DNAH6: variants seen among roughly 807,000 people sequenced by gnomAD.
DNAH6 encodes the protein dynein axonemal heavy chain 6.
Under a neutral mutation model 491.4 loss-of-function variants are expected in DNAH6, and 340 were observed. That is an observed-to-expected ratio of 0.69 (90% CI 0.63 to 0.76). The LOEUF is 0.76. Ranked by LOEUF, DNAH6 falls within the 30% of genes least tolerant of loss-of-function variation. DNAH6 has a pLI of 0.00. For missense variants in DNAH6, 4,443 were observed against 4,972.2 expected (o/e 0.89, Z 3.20); for synonymous variants, 1,603 against 1,686.1 (o/e 0.95, Z 1.21).
chr2:84,688,668 A>G, intron 45 of DNAH6, 75 bp downstream of exon 45: 1 of 1,253,088 alleles, frequency 8.0e-7, no homozygotes, highest in Non-Finnish European at 1.1e-6. Context: ...AATAAGTTGT[A>G]TAAACTCTTC....
the DNAH6 span, among the ~76,000 whole-genome samples, chr2:84,494,838 T>C: frequency 6.6e-6 from 1 of 152,224 alleles, no homozygotes; most frequent in Non-Finnish European, 1.5e-5. Context: ...TAAAATTTAA[T>C]ATGAACTGAA....
chr2:84,492,470 T>G, the DNAH6 span, among the ~76,000 whole-genome samples: 1 of 152,224 alleles, frequency 6.6e-6, no homozygotes, highest in African/African-American at 2.4e-5. Context: ...TTCTATTATG[T>G]ATATTAGTTG....
At chr2:84,501,793 C>T in the DNAH6 span, among the ~76,000 whole-genome samples, 1 of 149,964 alleles carries the variant, frequency 6.7e-6, no homozygotes, top group Non-Finnish European at 1.5e-5. Context: ...CATTTTTCTA[C>T]ATTTTCCAAT....
At chr2:84,600,904 A>G (rs1328006932) in intron 18 of DNAH6, among the ~76,000 whole-genome samples, 1 of 150,720 alleles carries the variant, frequency 6.6e-6, no homozygotes, top group African/African-American at 2.4e-5. Flanking sequence ...AGCAATGAGC[A>G]TAATTTGTAT....
chr2:84,677,229 G>A (rs930075157), intron 41 of DNAH6, 93 bp downstream of exon 41: 41 of 1,480,862 alleles, frequency 2.8e-5, no homozygotes, highest in Non-Finnish European at 3.7e-5. Flanking sequence ...GTGTTTCTAA[G>A]GAGTCCATCT....
At chr2:84,810,513 G>A (rs1033255710) in intron 72 of DNAH6, among the ~76,000 whole-genome samples, 3 of 152,188 alleles carry the variant, frequency 2.0e-5, no homozygotes, top group African/African-American at 7.2e-5. Flanking sequence ...CAGAAGGGAG[G>A]TGCTCACCAC....
rs56944137 is a variant in DNAH6 at position 84,720,267 on chromosome 2, C to CTTT, written c.9792+1910_9792+1912dup. On this transcript the variant is annotated intron_variant, in intron 59 of 76. Transcript: ENST00000389394. ...GCCCTTCCCACTTCCAAGAGTGCTT[C>CTTT]TTTTTTTTTTTTTTTTTTTTTTTTT... Among the ~76,000 whole-genome samples the CTTT allele has an allele frequency of 1.2e-3, 58 of 49,530 alleles. 7 individuals are homozygous for CTTT. The highest frequency in any genetic ancestry group is 2.7e-3 in the South Asian group (2 of 746). The allele number at this position is 49,530 out of a possible 152,430, so 32.5% of individuals were successfully genotyped here.
chr2:84,558,271 A>G (rs2104601800), intron 11 of DNAH6, among the ~76,000 whole-genome samples: 1 of 152,122 alleles, frequency 6.6e-6, no homozygotes. Context: ...ACTAAAAAAT[A>G]CAAAAAATTA....
At chr2:84,571,057 C>T (rs58543400) in intron 11 of DNAH6, among the ~76,000 whole-genome samples, 1,851 of 152,210 alleles carry the variant, frequency 0.012, 39 homozygotes, top group African/African-American at 0.042. Flanking sequence ...ATTCTGGACA[C>T]GCTGGGACAA....
At chr2:84,514,009 G>A (rs1263479116), upstream of DNAH6, among the ~76,000 whole-genome samples, 1 of 152,126 alleles carries the variant, frequency 6.6e-6, no homozygotes, top group Non-Finnish European at 1.5e-5. Context: ...GGCAACTGTA[G>A]TTTGCTCTTC....
At chr2:84,669,884 C>G (rs1045545911) in intron 38 of DNAH6, among the ~76,000 whole-genome samples, 1 of 152,128 alleles carries the variant, frequency 6.6e-6, no homozygotes, top group Non-Finnish European at 1.5e-5. Context: ...GGCCTGTTCA[C>G]TTATACCTGA....
intron 76 of DNAH6, among the ~76,000 whole-genome samples, chr2:84,817,710 C>T (rs774469020): frequency 1.3e-5 from 2 of 152,196 alleles, no homozygotes; most frequent in Non-Finnish European, 2.9e-5. Flanking sequence ...CATGGTTCTG[C>T]AGGCTGGTGC....
At chr2:84,653,983 TG>T (rs1690706824) in intron 34 of DNAH6, 109 bp downstream of exon 34, 1 of 883,930 alleles carries the variant, frequency 1.1e-6, no homozygotes, top group Admixed American at 2.9e-5. Flanking sequence ...TGTCTATTAT[TG>T]TGTTCTGTTT....
chr2:84,701,990 C>T lies in DNAH6; in HGVS notation c.8061+651C>T, dbSNP rs114040955. Among the ~76,000 whole-genome samples, 1,227 of 152,222 alleles carry T rather than the reference C, an allele frequency of 8.1e-3. 24 individuals are homozygous for T. Among genetic ancestry groups the T allele is most frequent in the African/African-American group, 0.028 (1,147 of 41,522 alleles). ...TCCTTCTGCCATTTATGCAAGTATC[C>T]TTGACTCAGTAGAATGATATGGGCA... is the stretch of plus-strand genomic sequence containing the variant. On this transcript the variant is annotated intron_variant, in intron 49 of 76. Coordinates refer to ENST00000389394, the MANE Select transcript of DNAH6 (RefSeq NM_001370.2).
At chr2:84,805,268 T>C (rs1030252441) in intron 70 of DNAH6, among the ~76,000 whole-genome samples, 8 of 152,140 alleles carry the variant, frequency 5.3e-5, no homozygotes, top group African/African-American at 1.9e-4. Context: ...CTTAAGCCAG[T>C]CACAAAAAGA....
Position 84,787,123 on chromosome 2 carries a change from T to C in DNAH6, c.11101-41T>C, listed in dbSNP as rs1176423728. The C allele has an allele frequency of 5.6e-6, 8 of 1,426,130 alleles. No homozygotes were observed. In the Middle Eastern group the frequency reaches 5.4e-4, roughly 96 times the overall value. The allele number at this position is 1,426,130 out of a possible 1,614,324, so 88.3% of individuals were successfully genotyped here. ...CCAGTATTTTACACAAAATTAATTT[T>C]ATCAAATTTTATTTCAGATCATTTT... On this transcript the variant is annotated intron_variant, in intron 67 of 76. Transcript: ENST00000389394.
chr2:84,754,409 G>C (rs1022148676), intron 63 of DNAH6, among the ~76,000 whole-genome samples: 2 of 151,156 alleles, frequency 1.3e-5, no homozygotes, highest in African/African-American at 4.9e-5. Flanking sequence ...TCGAACTCCT[G>C]ACCTCAGATG....
At chr2:84,638,737 T>C (rs1260494486) in intron 31 of DNAH6, among the ~76,000 whole-genome samples, 1 of 152,184 alleles carries the variant, frequency 6.6e-6, no homozygotes, top group Non-Finnish European at 1.5e-5. Flanking sequence ...GGGTAATTTA[T>C]GAAGAAAAGA....
chr2:84,745,681 A>AAAG (rs1558990246), intron 63 of DNAH6, among the ~76,000 whole-genome samples: 1 of 150,430 alleles, frequency 6.6e-6, no homozygotes, highest in Non-Finnish European at 1.5e-5. Flanking sequence ...AAAAAAAAAA[A>AAAG]AAAGAAACAT....
Sources: allele counts gnomAD v4.1 joint callset (sites outside exome capture counted in the v4.1 genomes callset), GRCh38; gene constraint gnomAD v4.1.1; transcripts MANE v1.5; gene names NCBI Gene and HGNC (gene_info 2026-07-23, HGNC 2026-07-21).